The following ERN2 variants were observed in gnomAD, a reference collection of about 807,000 sequenced individuals.
ERN2 encodes the protein serine/threonine-protein kinase/endoribonuclease IRE2.
In ERN2, 111 loss-of-function variants were observed where a neutral mutation model predicts 107.9. That is an observed-to-expected ratio of 1.03 (90% CI 0.88 to 1.20). The LOEUF is 1.20. Among genes scored for constraint, ERN2 ranks in the 50% most tolerant of loss-of-function variants. The pLI is 0.00. For synonymous variants in ERN2, 524 were observed against 501.7 expected (o/e 1.04, Z -0.59); for missense variants, 1,225 against 1,197.9 (o/e 1.02, Z -0.33).
Position 23,692,216 on chromosome 16 carries a change from GGAGC to G in ERN2, c.2212_2215del (p.Ala738ProfsTer24), listed in dbSNP as rs1959626902. On this transcript the variant is annotated frameshift_variant, in exon 18 of 22. Coordinates refer to ENST00000256797, the MANE Select transcript of ERN2 (RefSeq NM_033266.4). LOFTEE classifies it high-confidence loss of function. ...CTCTTCCTCCAGGTGAGCCAGACAGGGAGCCCCTGTGAGGATGTTTGCCTGGCGA... is the reference window on the plus strand; with the variant it reads ...CTCTTCCTCCAGGTGAGCCAGACAGGCCCTGTGAGGATGTTTGCCTGGCGA... 1 of 1,614,072 alleles carries G rather than the reference GGAGC, an allele frequency of 6.2e-7. No homozygotes were observed.
chr16:23,692,136 A>T, intron 18 of ERN2, 46 bp from the exon 19 acceptor site: 1 of 1,613,842 alleles, frequency 6.2e-7, no homozygotes, highest in Non-Finnish European at 8.5e-7. Context: ...AGGCCTGCCT[A>T]GCGTCTTGCC....
chr16:23,708,513 C>T (rs533752720), intron 4 of ERN2, among the ~76,000 whole-genome samples: 1 of 151,880 alleles, frequency 6.6e-6, no homozygotes, highest in South Asian at 2.1e-4. Context: ...CGTGCCACCA[C>T]ACCTGGCTAA....
At chr16:23,711,116 G>C (rs1182534746) in intron 1 of ERN2, 98 bp from the exon 2 acceptor site, 1 of 751,352 alleles carries the variant, frequency 1.3e-6, no homozygotes, top group Non-Finnish European at 2.3e-6. Flanking sequence ...CCTTCCCCCA[G>C]ATGGGGATGC....
In ERN2 at chr16:23,702,722, A is replaced by G. The variant is rs370560337; in HGVS notation, c.855-20T>C. On this transcript the variant is annotated intron_variant, in intron 8 of 21. Transcript: ENST00000256797. ...GTCATTCTAGTGGGAGAGAAGAAAA[A>G]GAAGAGAAGAATGAATGCTGGTGAT... The G allele has an allele frequency of 1.4e-4, 223 of 1,602,082 alleles. No individual in the cohort carries two copies. The highest frequency in any genetic ancestry group is 1.8e-4 in the Non-Finnish European group (211 of 1,169,204).
intron 14 of ERN2, 70 bp downstream of exon 14, chr16:23,695,824 T>G: frequency 8.5e-7 from 1 of 1,181,828 alleles, no homozygotes; most frequent in Non-Finnish European, 1.3e-6. Context: ...AAAGAATGTC[T>G]CTCCAGGGGA....
chr16:23,693,000 A>G (rs1327204111), intron 17 of ERN2, among the ~76,000 whole-genome samples: 1 of 151,926 alleles, frequency 6.6e-6, no homozygotes, highest in Non-Finnish European at 1.5e-5. Context: ...AGAAATCCAA[A>G]TTTTATGTGG....
In ERN2 at chr16:23,700,648, A is replaced by G. The variant is rs74012349; in HGVS notation, c.1416T>C (p.Phe472=). ...ACTGGGCATCCTGGGAGATGTGAGC[A>G]AAGTCTGCAGGTGCCAGGGGGGTCT... ...QQETPLAPAD[F]AHISQDAQSL... Residue 472 remains phenylalanine, a synonymous_variant, in exon 13 of 22, where the codon TTT becomes TTC. Coordinates refer to ENST00000256797, the MANE Select transcript of ERN2 (RefSeq NM_033266.4). The G allele has an allele frequency of 3.3e-4, 530 of 1,614,124 alleles. 4 individuals are homozygous for G. In the African/African-American group the frequency reaches 6.1e-3, roughly 19 times the overall value.
intron 14 of ERN2, among the ~76,000 whole-genome samples, chr16:23,695,656 G>A (rs1393657977): frequency 3.4e-5 from 5 of 148,106 alleles, no homozygotes; most frequent in Non-Finnish European, 5.9e-5. Flanking sequence ...TTGAACCTGG[G>A]AAGCGGAGGT....
chr16:23,701,657 G>C (rs1192888137), intron 11 of ERN2, among the ~76,000 whole-genome samples: 2 of 143,666 alleles, frequency 1.4e-5, no homozygotes, highest in Non-Finnish European at 3.0e-5. Context: ...TTTTTTTTGA[G>C]ACAGGGTCTC....
Position 23,690,406 on chromosome 16 carries a change from T to A in ERN2, c.*425A>T, listed in dbSNP as rs572690924. The A allele has an allele frequency of 8.7e-4, 403 of 464,022 alleles. 4 individuals are homozygous for A. The South Asian group carries it at 9.3e-3, about 11-fold the overall frequency. 28.7% of individuals were successfully genotyped at this position (464,022 alleles called of 1,614,324 possible). A position where few individuals can be genotyped will look rare whatever the true frequency, so the allele number is the denominator to read the frequency against. On this transcript the variant is annotated 3_prime_UTR_variant, in exon 22 of 22. Transcript: ENST00000256797. ...TCCTGAGGGGTGCCAGGGCCTGGGATCCAGCGAACATCTCTGCTTCATCAG... is the reference window on the plus strand; with the variant it reads ...TCCTGAGGGGTGCCAGGGCCTGGGAACCAGCGAACATCTCTGCTTCATCAG...
rs368356833 is a variant in ERN2, at chr16:23,704,951, G to A, written c.786C>T (p.His262=). ...TLHFLALRWG[H]IRLPASGPRD... is the part of the protein sequence containing the mutation. The stretch of plus-strand genomic sequence containing the variant: ...GGGGGCCTGAGGCAGGCAGTCGGAT[G>A]TGGCCCCAGCGGAGGGCGAGGAAAT... Residue 262 remains histidine, a synonymous_variant, in exon 8 of 22, where the codon CAC becomes CAT. Transcript: ENST00000256797. 7 of 1,613,736 alleles carry A rather than the reference G, an allele frequency of 4.3e-6. No individual in the cohort carries two copies. In the African/African-American group the frequency reaches 5.3e-5, roughly 12 times the overall value.
intron 19 of ERN2, 99 bp downstream of exon 19, chr16:23,691,864 T>C (rs1194726086): frequency 2.4e-5 from 36 of 1,472,936 alleles, no homozygotes; most frequent in Non-Finnish European, 3.2e-5. Context: ...ACCAGGTAGC[T>C]CTTCCTGTTT....
chr16:23,695,452 A>C (rs891601911), intron 14 of ERN2, 63 bp from the exon 15 acceptor site: 3 of 1,472,148 alleles, frequency 2.0e-6, no homozygotes, highest in African/African-American at 1.4e-5. Context: ...AGGGACAAAC[A>C]TGGTGGCTCA....
At chr16:23,702,776 G>A in intron 8 of ERN2, 74 bp from the exon 9 acceptor site, 4 of 1,256,122 alleles carry the variant, frequency 3.2e-6, no homozygotes, top group Non-Finnish European at 4.7e-6. Context: ...AGGTACTCAT[G>A]CCCTTGTATA....
In ERN2 at chr16:23,694,748, G is replaced by A. The variant is rs761627871; in HGVS notation, c.2080C>T (p.Leu694Phe). Residue 694 changes from leucine to phenylalanine, a missense_variant, in exon 17 of 22, where the codon CTC (leucine) becomes TTC (phenylalanine). By Grantham distance (22) the Leu-to-Phe change is conservative. Coordinates refer to ENST00000256797, the MANE Select transcript of ERN2 (RefSeq NM_033266.4). ...CTCACAGGACTGTCTGGTGGCAGGA[G>A]CTGCAGAAGCTCGGGCGCCATCCAG... ...EGWMAPELLQLLPPDSPTSAV... is the reference protein window; with the variant it reads ...EGWMAPELLQFLPPDSPTSAV... 1 of 1,608,638 alleles carries A rather than the reference G, an allele frequency of 6.2e-7. No homozygotes were observed. The highest frequency in any genetic ancestry group is 8.5e-7 in the Non-Finnish European group (1 of 1,178,570).
At chr16:23,703,550 C>T (rs190202552) in intron 8 of ERN2, among the ~76,000 whole-genome samples, 1 of 152,230 alleles carries the variant, frequency 6.6e-6, no homozygotes, top group East Asian at 1.9e-4. Context: ...TTCCATATAC[C>T]ATTCTAAGAT....
At chr16:23,706,168 T>A (rs1177267086) in intron 7 of ERN2, 162 bp downstream of exon 7, 2 of 555,444 alleles carry the variant, frequency 3.6e-6, no homozygotes, top group Admixed American at 7.1e-5. Context: ...GTTGAGGGAG[T>A]CACTTGGGGT....
chr16:23,699,138 G>C (rs1959945704), intron 13 of ERN2, among the ~76,000 whole-genome samples: 1 of 152,128 alleles, frequency 6.6e-6, no homozygotes, highest in African/African-American at 2.4e-5. Context: ...ACAGCTCAGG[G>C]CTCAGGAAAT....
chr16:23,702,817 T>C (rs945905860), intron 8 of ERN2, 115 bp from the exon 9 acceptor site: 21 of 886,756 alleles, frequency 2.4e-5, no homozygotes, highest in Non-Finnish European at 3.3e-5. Flanking sequence ...AGCTTAGCCA[T>C]GAGACTTGCT....
Sources: allele counts gnomAD v4.1 joint callset (sites outside exome capture counted in the v4.1 genomes callset), GRCh38; gene constraint gnomAD v4.1.1; transcripts MANE v1.5; gene names NCBI Gene and HGNC (gene_info 2026-07-23, HGNC 2026-07-21).